The following LSAMP variants were observed in gnomAD, a reference collection of about 807,000 sequenced individuals.
LSAMP encodes limbic system-associated membrane protein.
A neutral mutation model predicts 38.6 loss-of-function variants in LSAMP; 7 were observed. The observed-to-expected ratio is 0.18, with a 90% CI of 0.10 to 0.34. The LOEUF is 0.34. Ranked by LOEUF, LSAMP falls within the 10% of genes least tolerant of loss-of-function variation. The probability of loss-of-function intolerance (pLI) is 1.00; values close to 1 mark genes in which losing one functional copy is unlikely to be tolerated. For missense variants in LSAMP, 313 were observed against 420.0 expected (o/e 0.75, Z 2.23); for synonymous variants, 154 against 166.8 (o/e 0.92, Z 0.59).
In LSAMP at chr3:115,889,211, T is replaced by C. The variant is rs143350567; in HGVS notation, c.515-36594A>G. On this transcript the variant is annotated intron_variant, in intron 3 of 6. Transcript: ENST00000490035. ...CTTGTGTTTAAAAACTGGATATGAA[T>C]GAAGTTAGTTGTCATTCTACCTAAC... Among the ~76,000 whole-genome samples, 661 of 152,014 alleles carry C rather than the reference T, an allele frequency of 4.3e-3. 6 individuals carry two copies. The highest frequency in any genetic ancestry group is 7.9e-3 in the Non-Finnish European group (534 of 67,898).
At chr3:116,085,451 C>A (rs1223391645) in intron 2 of LSAMP, among the ~76,000 whole-genome samples, 1 of 152,178 alleles carries the variant, frequency 6.6e-6, no homozygotes, top group African/African-American at 2.4e-5. Context: ...TAGGGCCATG[C>A]CTAATTTGCA....
intron 2 of LSAMP, among the ~76,000 whole-genome samples, chr3:116,019,846 C>T (rs1485014775): frequency 6.6e-6 from 1 of 152,126 alleles, no homozygotes; most frequent in African/African-American, 2.4e-5. Flanking sequence ...TAAGAACACC[C>T]TTCACAAAGC....
chr3:116,105,058 G>A (rs897793764), intron 1 of LSAMP, among the ~76,000 whole-genome samples: 8 of 152,092 alleles, frequency 5.3e-5, no homozygotes, highest in African/African-American at 1.9e-4. Flanking sequence ...TAGCCTGGAA[G>A]AGCCAGCTAT....
At chr3:116,089,188 C>T (rs1708061327) in intron 1 of LSAMP, among the ~76,000 whole-genome samples, 1 of 152,142 alleles carries the variant, frequency 6.6e-6, no homozygotes, top group African/African-American at 2.4e-5. Flanking sequence ...GCAAAATTGC[C>T]AGATGCATAA....
chr3:115,810,351 G>A lies in LSAMP; in HGVS notation c.983C>T (p.Ala328Val), dbSNP rs1224111140. Residue 328 changes from alanine (A) to valine (V), a missense_variant, in exon 7 of 7, where the codon GCA (alanine) becomes GTA (valine). Physicochemically the swap from Ala to Val is moderately conservative, Grantham distance 64 (BLOSUM62 0). Transcript: ENST00000490035. ...GCTGAGAAGGCAGAGCAGAGATGCT[G>A]CCAGCAGCCACAGTGGTACGGCCAG... The part of the protein sequence containing the change: ...ISLAVPLWLL[A>V]ASLLCLLSKC 6.2e-7 allele frequency: 1 copy of A among 1,613,470 alleles called. No individual in the cohort carries two copies. The highest frequency in any genetic ancestry group is 1.1e-5 in the South Asian group (1 of 91,018).
intron 6 of LSAMP, among the ~76,000 whole-genome samples, chr3:115,825,762 G>A (rs1550306): frequency 0.085 from 12,908 of 151,950 alleles, 666 homozygotes; most frequent in African/African-American, 0.14. Flanking sequence ...ATCAAATGAG[G>A]GTAATTGGGA....
chr3:115,827,358 G>A (rs1243157812), intron 6 of LSAMP, among the ~76,000 whole-genome samples: 2 of 149,892 alleles, frequency 1.3e-5, no homozygotes, highest in Non-Finnish European at 1.5e-5. Flanking sequence ...TTTTTCTACA[G>A]GATGCTACTA....
rs1003868589 is a variant in LSAMP at position 116,331,660 on chromosome 3, C to A, written c.155+113217G>T. Among the ~76,000 whole-genome samples the A allele has an allele frequency of 1.4e-4, 22 of 152,172 alleles. 1 individual carries two copies. The highest frequency in any genetic ancestry group is 6.5e-4 in the Admixed American group (10 of 15,278). On this transcript the variant is annotated intron_variant, in intron 1 of 6. Transcript: ENST00000490035. ...CCGTAGAACTGCCCTGAAAGAAGTA[C>A]TTCATGGAGTTCTGCAAGGTAAAAT...
chr3:115,977,168 A>C (rs1939213633), intron 3 of LSAMP, among the ~76,000 whole-genome samples: 1 of 152,188 alleles, frequency 6.6e-6, no homozygotes, highest in Non-Finnish European at 1.5e-5. Flanking sequence ...ATTAAGAATG[A>C]TCAAGAAGAA....
chr3:116,357,191 A>G (rs982341148), intron 1 of LSAMP, among the ~76,000 whole-genome samples: 1 of 152,226 alleles, frequency 6.6e-6, no homozygotes, highest in Non-Finnish European at 1.5e-5. Context: ...ATTACCAGGT[A>G]CGACTACCCC....
intron 1 of LSAMP, among the ~76,000 whole-genome samples, chr3:116,369,340 C>T (rs1292860121): frequency 2.6e-5 from 4 of 152,278 alleles, no homozygotes; most frequent in South Asian, 2.1e-4. Flanking sequence ...ATTTACAACA[C>T]GGGCTGCAGT....
At chr3:116,273,110 G>A (rs1031786242) in intron 1 of LSAMP, among the ~76,000 whole-genome samples, 1 of 152,076 alleles carries the variant, frequency 6.6e-6, no homozygotes, top group Non-Finnish European at 1.5e-5. Flanking sequence ...AGATAAGCAG[G>A]ACAGAAGACC....
At chr3:115,992,359 G>C (rs1169722744) in intron 3 of LSAMP, among the ~76,000 whole-genome samples, 1 of 151,884 alleles carries the variant, frequency 6.6e-6, no homozygotes, top group Non-Finnish European at 1.5e-5. Flanking sequence ...CCTCCTCCAG[G>C]TCAAAAAATC....
intron 1 of LSAMP, among the ~76,000 whole-genome samples, chr3:116,326,112 T>G (rs1369210334): frequency 2.0e-5 from 3 of 152,152 alleles, no homozygotes; most frequent in Non-Finnish European, 4.4e-5. Flanking sequence ...ATAACTCATC[T>G]CAATTTAATC....
intron 2 of LSAMP, among the ~76,000 whole-genome samples, chr3:116,034,441 C>T (rs905448857): frequency 1.3e-5 from 2 of 152,226 alleles, no homozygotes; most frequent in South Asian, 4.2e-4. Context: ...CACTTAACCT[C>T]ATCTGGAATA....
intron 1 of LSAMP, among the ~76,000 whole-genome samples, chr3:116,219,592 A>G (rs1474358654): frequency 1.3e-5 from 2 of 152,208 alleles, no homozygotes; most frequent in African/African-American, 4.8e-5. Context: ...AAGAATCCAG[A>G]CAACAAAAAC....
rs566037236 is a variant in LSAMP at position 116,425,914 on chromosome 3, T to C, written c.155+18963A>G. 1.8e-3 allele frequency among the ~76,000 whole-genome samples: 273 copies of C among 151,740 alleles called. 2 individuals carry two copies. Among genetic ancestry groups the C allele is most frequent in the South Asian group, 2.9e-3 (14 of 4,796 alleles). ...ATACACACAAAAGGAAAGATGGACT[T>C]GATATATCAGGAAACATTCCTAACA... On this transcript the variant is annotated intron_variant, in intron 1 of 6. Transcript: ENST00000490035.
intron 3 of LSAMP, among the ~76,000 whole-genome samples, chr3:116,012,804 AAAT>A (rs1456507520): frequency 6.6e-6 from 1 of 152,174 alleles, no homozygotes; most frequent in African/African-American, 2.4e-5. Flanking sequence ...TAGTTACAAT[AAAT>A]AATAATAATG....
chr3:115,943,814 G>A (rs1938009436), intron 3 of LSAMP, among the ~76,000 whole-genome samples: 1 of 152,124 alleles, frequency 6.6e-6, no homozygotes, highest in Non-Finnish European at 1.5e-5. Context: ...TCTCTTAGAG[G>A]ATACTGCTTC....
Sources: allele counts gnomAD v4.1 joint callset (sites outside exome capture counted in the v4.1 genomes callset), GRCh38; gene constraint gnomAD v4.1.1; transcripts MANE v1.5; gene names NCBI Gene and HGNC (gene_info 2026-07-23, HGNC 2026-07-21).